Variants in POLR3A observed in about 807,000 individuals in gnomAD.
The protein encoded by POLR3A is DNA-directed RNA polymerase III subunit RPC1.
POLR3A carries 112 observed loss-of-function variants against 152.8 expected under a neutral mutation model. The ratio of observed to expected loss-of-function variants is 0.73; its 90% CI spans 0.63 to 0.86. The LOEUF is 0.86. POLR3A is among the 40% of genes least tolerant of loss of function. The pLI is 0.00. For synonymous variants in POLR3A, 615 were observed against 652.1 expected (o/e 0.94, Z 0.87); for missense variants, 1,385 against 1,743.1 (o/e 0.79, Z 3.66).
intron 11 of POLR3A, among the ~76,000 whole-genome samples, chr10:78,011,459 G>GT (rs1847466012): frequency 6.6e-6 from 1 of 152,192 alleles, no homozygotes; most frequent in African/African-American, 2.4e-5. Context: ...ATGCACATGT[G>GT]TATTTGTGGG....
chr10:78,018,423 T>C (rs11002373), intron 9 of POLR3A, among the ~76,000 whole-genome samples: 28 of 150,396 alleles, frequency 1.9e-4, no homozygotes, highest in African/African-American at 5.9e-4. Flanking sequence ...TGCTTGAACC[T>C]GGGAGGTGGA....
intron 20 of POLR3A, among the ~76,000 whole-genome samples, chr10:77,992,193 G>A (rs558850011): frequency 1.3e-5 from 2 of 152,064 alleles, no homozygotes; most frequent in South Asian, 2.1e-4. Flanking sequence ...GACACAGAGC[G>A]AAACCAAACA....
intron 11 of POLR3A, among the ~76,000 whole-genome samples, chr10:78,012,793 C>T (rs1173379997): frequency 2.0e-5 from 3 of 152,086 alleles, no homozygotes; most frequent in African/African-American, 7.2e-5. Flanking sequence ...GCAATCACAG[C>T]TCACTGCAGC....
intron 21 of POLR3A, among the ~76,000 whole-genome samples, chr10:77,989,945 T>C (rs1358337363): frequency 6.6e-6 from 1 of 152,206 alleles, no homozygotes; most frequent in African/African-American, 2.4e-5. Flanking sequence ...AGTCTCTTTT[T>C]CACCTTTCAC....
intron 20 of POLR3A, 150 bp from the exon 21 acceptor site, chr10:77,991,317 T>A: frequency 1.5e-6 from 1 of 678,590 alleles, no homozygotes; most frequent in South Asian, 1.6e-5. Flanking sequence ...TTGTGGACTC[T>A]ACCTTTCATG....
In POLR3A at chr10:78,001,000, C is replaced by A; in HGVS notation, c.2454G>T (p.Leu818Phe). ...RVPDGFENRS[L>F]PHFEKHSKLP... is the part of the protein sequence containing the mutation. ...CCTTTGAGTGTTTTTCAAAATGAGG[C>A]AAGGACCTGTTTTCAAAGCCGTCTG... Residue 818 changes from leucine (L) to phenylalanine (F), a missense_variant, in exon 18 of 31, where the codon TTG becomes TTT. Around this residue, in one of 7 missense-constraint regions of POLR3A, gnomAD observed 170 missense variants for 231.2 expected, o/e 0.74. Transcript: ENST00000372371. 1.3e-6 allele frequency: 2 copies of A among 1,599,898 alleles called. No homozygotes were observed. The highest frequency in any genetic ancestry group is 1.7e-6 in the Non-Finnish European group (2 of 1,168,390).
At chr10:78,009,816 C>G (rs768934567) in intron 13 of POLR3A, 48 bp downstream of exon 13, 2 of 1,610,142 alleles carry the variant, frequency 1.2e-6, no homozygotes, top group South Asian at 2.2e-5. Flanking sequence ...TCTACCCCCA[C>G]AGACACATAC....
chr10:78,022,179 G>C lies in POLR3A; in HGVS notation c.851C>G (p.Thr284Arg). ...AACATCGTTTAGGAAAATGATTTCT[G>C]TCAGTTTCATTGTCAGATCATCTTC... is the stretch of plus-strand genomic sequence containing the variant. The part of the protein sequence containing the change: ...TNEDDLTMKL[T>R]EIIFLNDVIK... Residue 284 changes from threonine to arginine, a missense_variant, in exon 6 of 31, where the codon ACA becomes AGA. This residue lies in a region of POLR3A where 493 missense variants were observed against 647.5 expected (regional missense o/e 0.76). Transcript: ENST00000372371. 15 of 1,614,112 alleles carry C rather than the reference G, an allele frequency of 9.3e-6. No individual in the cohort carries two copies. The highest frequency in any genetic ancestry group is 1.3e-5 in the Non-Finnish European group (15 of 1,179,958).
At chr10:77,996,244 T>C (rs187250776) in intron 19 of POLR3A, among the ~76,000 whole-genome samples, 65 of 152,082 alleles carry the variant, frequency 4.3e-4, no homozygotes, top group African/African-American at 1.4e-3. Context: ...ACATCACAAT[T>C]AAAAGAATAA....
chr10:78,017,628 C>A lies in POLR3A; in HGVS notation c.1378G>T (p.Val460Leu), dbSNP rs1463785747. 1 of 1,614,052 alleles carries A rather than the reference C, an allele frequency of 6.2e-7. No homozygotes were observed. ...VERHLIDGDV[V>L]LFNRQPSLHK... ...AGCGAGGGCTGCCGATTGAACAGCA[C>A]CACATCTCCATCGATGAGGTGTCTC... is the stretch of plus-strand genomic sequence containing the variant. Residue 460 changes from valine (V) to leucine (L), a missense_variant, in exon 10 of 31, where the codon GTG (valine) becomes TTG (leucine). Physicochemically the swap from Val to Leu is conservative, Grantham distance 32. Around this residue, in one of 7 missense-constraint regions of POLR3A, gnomAD observed 493 missense variants for 647.5 expected, o/e 0.76. Coordinates refer to ENST00000372371, the MANE Select transcript of POLR3A (RefSeq NM_007055.4).
chr10:78,023,707 G>A (rs1349502103), intron 5 of POLR3A, among the ~76,000 whole-genome samples: 6 of 151,916 alleles, frequency 3.9e-5, no homozygotes, highest in African/African-American at 1.4e-4. Flanking sequence ...GAGCCTAGGA[G>A]GTCGGGGCTG....
chr10:77,979,658 T>C (rs1235060398), intron 30 of POLR3A, among the ~76,000 whole-genome samples: 4 of 152,184 alleles, frequency 2.6e-5, no homozygotes, highest in Non-Finnish European at 5.9e-5. Context: ...AAGGGCTTAA[T>C]ATCCACACCC....
intron 13 of POLR3A, 39 bp from the exon 14 acceptor site, chr10:78,009,714 C>T: frequency 6.2e-7 from 1 of 1,614,024 alleles, no homozygotes; most frequent in Non-Finnish European, 8.5e-7. Context: ...GTGGGCTGAG[C>T]CTGGTCTCAA....
At chr10:77,997,709 C>T (rs1456850866) in intron 19 of POLR3A, among the ~76,000 whole-genome samples, 4 of 151,992 alleles carry the variant, frequency 2.6e-5, no homozygotes, top group South Asian at 4.2e-4. Context: ...GAATCAATAT[C>T]GTGAAAATGG....
intron 16 of POLR3A, among the ~76,000 whole-genome samples, chr10:78,004,269 A>G (rs1018795596): frequency 5.3e-5 from 8 of 151,892 alleles, no homozygotes; most frequent in African/African-American, 1.9e-4. Context: ...AAACAAAAAC[A>G]AAAAAAACCA....
chr10:77,988,505 CA>C (rs1230328493), intron 21 of POLR3A, among the ~76,000 whole-genome samples: 1 of 151,424 alleles, frequency 6.6e-6, no homozygotes, highest in East Asian at 1.9e-4. Flanking sequence ...AAAAAAAAAA[CA>C]AAAAAACTTT....
Position 78,019,248 on chromosome 10 carries a change from G to A in POLR3A, c.1203C>T (p.Ile401=), listed in dbSNP as rs760700842. ...TFPEKVNKAN[I]NFLRKLVQNG... Reference sequence around the variant, plus strand: ...TTTGAACCAGTTTCCTCAAGAAATTGATGTTTGCTTTGTTTACCTGCAGTA... The same window carrying A: ...TTTGAACCAGTTTCCTCAAGAAATTAATGTTTGCTTTGTTTACCTGCAGTA... The change falls in exon 9 of 31, where the codon ATC becomes ATT. Residue 401 remains isoleucine, a synonymous_variant. Coordinates refer to ENST00000372371, the MANE Select transcript of POLR3A (RefSeq NM_007055.4). 6 of 1,613,624 alleles carry A rather than the reference G, an allele frequency of 3.7e-6. No individual in the cohort carries two copies. Among genetic ancestry groups the A allele is most frequent in the Non-Finnish European group, 5.1e-6 (6 of 1,179,678 alleles).
chr10:78,002,343 C>A (rs770033388), intron 16 of POLR3A, 35 bp from the exon 17 acceptor site: 6 of 1,289,644 alleles, frequency 4.7e-6, no homozygotes, highest in South Asian at 3.8e-5. Context: ...GGTGGGTTGT[C>A]CTCATTGTCT....
At chr10:78,001,185 C>T (rs1847353660) in intron 17 of POLR3A, 91 bp from the exon 18 acceptor site, 7 of 711,878 alleles carry the variant, frequency 9.8e-6, no homozygotes, top group African/African-American at 1.7e-5. Flanking sequence ...CAGGAATAGG[C>T]CCTTATGCTC....
Sources: gnomAD v4.1 joint callset for allele counts (sites outside exome capture counted in the v4.1 genomes callset) on GRCh38, gnomAD v4.1.1 for gene constraint, gnomAD v4.1.1 regional missense constraint, MANE v1.5 for transcripts, NCBI Gene and HGNC (gene_info 2026-07-23, HGNC 2026-07-21) for gene names.